Variants in PLCZ1 observed in about 807,000 individuals in gnomAD.
The protein encoded by PLCZ1 is 1-phosphatidylinositol 4,5-bisphosphate phosphodiesterase zeta-1.
A neutral mutation model predicts 76.8 loss-of-function variants in PLCZ1; 64 were observed. That is an observed-to-expected ratio of 0.83 (90% CI 0.68 to 1.03). The LOEUF is 1.03. PLCZ1 is among the 50% of genes least tolerant of loss of function. PLCZ1 has a pLI of 0.00. For missense variants in PLCZ1, 751 were observed against 713.7 expected (o/e 1.05, Z -0.60); for synonymous variants, 248 against 230.8 (o/e 1.07, Z -0.68).
chr12:18,655,566 G>C, the PLCZ1 span, among the ~76,000 whole-genome samples: 1 of 152,118 alleles, frequency 6.6e-6, no homozygotes, highest in South Asian at 2.1e-4. Flanking sequence ...ATATGGAAAA[G>C]AGGATTGGGG....
chr12:18,699,380 T>A (rs545584326), intron 10 of PLCZ1, among the ~76,000 whole-genome samples: 1 of 152,222 alleles, frequency 6.6e-6, no homozygotes, highest in East Asian at 1.9e-4. Flanking sequence ...CTATCAGAGG[T>A]ATCGTTTAGA....
At chr12:18,700,538 A>AATG (rs1370935394) in intron 9 of PLCZ1, among the ~76,000 whole-genome samples, 1 of 135,918 alleles carries the variant, frequency 7.4e-6, no homozygotes, top group Non-Finnish European at 1.5e-5. Context: ...AAAAAAAAAT[A>AATG]GTTGCTCTGC....
intron 6 of PLCZ1, among the ~76,000 whole-genome samples, chr12:18,709,071 A>G (rs530034613): frequency 9.2e-5 from 14 of 152,254 alleles, no homozygotes; most frequent in Non-Finnish European, 1.9e-4. Context: ...TTGATGTAAT[A>G]TCAAAATAAT....
the PLCZ1 span, among the ~76,000 whole-genome samples, chr12:18,662,964 C>T: frequency 3.9e-5 from 6 of 152,004 alleles, no homozygotes. Flanking sequence ...AGCTATAAGG[C>T]ATGTAGAAAC....
At chr12:18,670,293 C>T in the PLCZ1 span, among the ~76,000 whole-genome samples, 74 of 151,590 alleles carry the variant, frequency 4.9e-4, no homozygotes, top group African/African-American at 1.7e-3. Context: ...CACACATATG[C>T]GCACACACAC....
At chr12:18,668,818 T>G in the PLCZ1 span, among the ~76,000 whole-genome samples, 1 of 152,176 alleles carries the variant, frequency 6.6e-6, no homozygotes, top group Admixed American at 6.5e-5. Flanking sequence ...GATACATATC[T>G]ACTCATACAT....
chr12:18,681,246 G>A (rs897527339), downstream of PLCZ1, among the ~76,000 whole-genome samples: 6 of 152,008 alleles, frequency 3.9e-5, no homozygotes, highest in African/African-American at 1.2e-4. Flanking sequence ...GTAAAGAAGC[G>A]TAAGTCAGGG....
chr12:18,703,588 C>G (rs1956216731), intron 7 of PLCZ1, among the ~76,000 whole-genome samples: 2 of 152,180 alleles, frequency 1.3e-5, no homozygotes, highest in African/African-American at 4.8e-5. Context: ...GTGATTACCT[C>G]TTTACAATAG....
chr12:18,700,273 AT>A (rs1484610932), intron 9 of PLCZ1, among the ~76,000 whole-genome samples: 2 of 152,014 alleles, frequency 1.3e-5, no homozygotes, highest in African/African-American at 2.4e-5. Context: ...TCATTAATAA[AT>A]TTATATTGAA....
At chr12:18,649,700 C>T in the PLCZ1 span, among the ~76,000 whole-genome samples, 1 of 152,132 alleles carries the variant, frequency 6.6e-6, no homozygotes, top group Admixed American at 6.6e-5. Context: ...TCACTGTTGA[C>T]CTCCAATTAG....
the PLCZ1 span, among the ~76,000 whole-genome samples, chr12:18,677,039 T>C: frequency 6.6e-6 from 1 of 152,206 alleles, no homozygotes; most frequent in African/African-American, 2.4e-5. Flanking sequence ...TAAAGATGAA[T>C]GAGAGTGATT....
the PLCZ1 span, among the ~76,000 whole-genome samples, chr12:18,669,059 C>T: frequency 6.6e-6 from 1 of 152,154 alleles, no homozygotes; most frequent in Admixed American, 6.6e-5. Flanking sequence ...TTATGTGACA[C>T]TCTTGTCTCT....
chr12:18,701,316 A>C (rs535176834), intron 9 of PLCZ1, among the ~76,000 whole-genome samples, 185 bp downstream of exon 9: 1 of 152,304 alleles, frequency 6.6e-6, no homozygotes, highest in South Asian at 2.1e-4. Context: ...AGCTAACATA[A>C]GAAAAGAGGC....
chr12:18,671,982 CCCA>C, the PLCZ1 span, among the ~76,000 whole-genome samples: 2 of 152,028 alleles, frequency 1.3e-5, no homozygotes, highest in African/African-American at 4.8e-5. Context: ...GGACACAAAT[CCCA>C]TACATGAGGG....
At chr12:18,725,362 C>T (rs917996028) in intron 3 of PLCZ1, among the ~76,000 whole-genome samples, 1 of 152,072 alleles carries the variant, frequency 6.6e-6, no homozygotes, top group Admixed American at 6.6e-5. Flanking sequence ...AGACTGCCAA[C>T]GTGCTAGACT....
intron 6 of PLCZ1, among the ~76,000 whole-genome samples, chr12:18,711,334 T>C (rs1244576257): frequency 8.2e-6 from 1 of 121,452 alleles, no homozygotes. Context: ...AATTGAACAA[T>C]GAGAACACAT....
At chr12:18,698,369 C>G (rs778309877) in intron 10 of PLCZ1, among the ~76,000 whole-genome samples, 3 of 151,408 alleles carry the variant, frequency 2.0e-5, no homozygotes, top group African/African-American at 4.9e-5. Flanking sequence ...TAGTCCAGAC[C>G]TACTGAATTG....
chr12:18,691,425 G>A (rs1325667275), intron 12 of PLCZ1, among the ~76,000 whole-genome samples: 1 of 152,130 alleles, frequency 6.6e-6, no homozygotes, highest in Non-Finnish European at 1.5e-5. Flanking sequence ...ATTGTTGGTG[G>A]TGAAACTATG....
chr12:18,737,389 A>G lies in PLCZ1; in HGVS notation c.-18T>C. On this transcript the variant is annotated 5_prime_UTR_variant, in exon 2 of 15. Transcript: ENST00000266505. ...ATTTCCATAGTTTCATGACCTGTAG[A>G]GCCGTTTCTCCTCACTTAGAAGTCT... The G allele has an allele frequency of 6.2e-7, 1 of 1,613,852 alleles. No individual in the cohort carries two copies. The highest frequency in any genetic ancestry group is 8.5e-7 in the Non-Finnish European group (1 of 1,179,760).
Sources: gnomAD v4.1 joint callset for allele counts (sites outside exome capture counted in the v4.1 genomes callset) on GRCh38, gnomAD v4.1.1 for gene constraint, MANE v1.5 for transcripts, NCBI Gene and HGNC (gene_info 2026-07-23, HGNC 2026-07-21) for gene names.